ALK: variants seen among roughly 807,000 people sequenced by gnomAD.
ALK encodes ALK receptor tyrosine kinase.
In ALK, 74 loss-of-function variants were observed where a neutral mutation model predicts 163.1. That is an observed-to-expected ratio of 0.45 (90% CI 0.38 to 0.55). The LOEUF is 0.55. Ranked by LOEUF, ALK falls within the 20% of genes least tolerant of loss-of-function variation. The pLI is 0.00. For synonymous variants in ALK, 960 were observed against 843.2 expected (o/e 1.14, Z -2.40); for missense variants, 2,063 against 2,105.3 (o/e 0.98, Z 0.39).
At chr2:29,789,639 CCATGGGCAGA>C (rs1337927797) in intron 1 of ALK, among the ~76,000 whole-genome samples, 1 of 152,144 alleles carries the variant, frequency 6.6e-6, no homozygotes, top group Non-Finnish European at 1.5e-5. Flanking sequence ...CAAAGTGAAG[CCATGGGCAGA>C]CCCCTAGACT....
intron 3 of ALK, among the ~76,000 whole-genome samples, chr2:29,602,384 A>G (rs1305704777): frequency 6.6e-6 from 1 of 152,176 alleles, no homozygotes; most frequent in Non-Finnish European, 1.5e-5. Context: ...TTTTTATGAA[A>G]TCCTATTTTG....
intron 1 of ALK, among the ~76,000 whole-genome samples, chr2:29,768,743 G>GTGTGTGTGTGTATA (rs373708982): frequency 5.4e-4 from 82 of 150,682 alleles, no homozygotes; most frequent in African/African-American, 1.8e-3. Flanking sequence ...GTGTGTGTGT[G>GTGTGTGTGTGTATA]TATATATGTA....
At chr2:29,208,822 G>A (rs1337138551) in intron 25 of ALK, among the ~76,000 whole-genome samples, 1 of 152,006 alleles carries the variant, frequency 6.6e-6, no homozygotes, top group Non-Finnish European at 1.5e-5. Flanking sequence ...GCAAGTCAGT[G>A]TTGTAAATAA....
chr2:29,692,780 G>C (rs887001911), intron 3 of ALK, among the ~76,000 whole-genome samples: 1 of 152,188 alleles, frequency 6.6e-6, no homozygotes, highest in South Asian at 2.1e-4. Flanking sequence ...TGTGCACCAA[G>C]AGAGATGTAC....
At chr2:29,375,882 T>C (rs558950554) in intron 5 of ALK, among the ~76,000 whole-genome samples, 1 of 152,282 alleles carries the variant, frequency 6.6e-6, no homozygotes, top group South Asian at 2.1e-4. Context: ...CACTGCCATC[T>C]TGGACAAGCA....
chr2:29,402,961 C>T (rs558586076), intron 4 of ALK, among the ~76,000 whole-genome samples: 2 of 152,240 alleles, frequency 1.3e-5, no homozygotes, highest in South Asian at 4.2e-4. Context: ...TAGGTTGTGG[C>T]TCAAAGCAGC....
At chr2:29,284,450 A>T (rs1325256785) in intron 9 of ALK, among the ~76,000 whole-genome samples, 1 of 152,234 alleles carries the variant, frequency 6.6e-6, no homozygotes, top group African/African-American at 2.4e-5. Flanking sequence ...TTTCCGAGAC[A>T]TTAAGAATTA....
intron 1 of ALK, among the ~76,000 whole-genome samples, chr2:29,776,919 G>A (rs1471770085): frequency 1.3e-5 from 2 of 152,218 alleles, no homozygotes; most frequent in Non-Finnish European, 2.9e-5. Context: ...CCTTGCCCAG[G>A]TGAACCAGGA....
chr2:29,775,640 G>C (rs1429465464), intron 1 of ALK, among the ~76,000 whole-genome samples: 3 of 152,042 alleles, frequency 2.0e-5, no homozygotes, highest in Admixed American at 2.0e-4. Context: ...GACTCTTCTA[G>C]ACAGACTTCT....
chr2:29,453,076 T>A (rs150530896), intron 4 of ALK, among the ~76,000 whole-genome samples: 88 of 152,340 alleles, frequency 5.8e-4, no homozygotes, highest in African/African-American at 2.1e-3. Context: ...ATAAGATCTG[T>A]AGGATAGCTA....
At chr2:29,676,172 G>A (rs1677867028) in intron 3 of ALK, among the ~76,000 whole-genome samples, 1 of 151,916 alleles carries the variant, frequency 6.6e-6, no homozygotes, top group Non-Finnish European at 1.5e-5. Context: ...TCCTAATGGT[G>A]TCTTTTAGAA....
At chr2:29,809,568 G>T (rs550804105) in intron 1 of ALK, among the ~76,000 whole-genome samples, 1 of 152,188 alleles carries the variant, frequency 6.6e-6, no homozygotes, top group South Asian at 2.1e-4. Context: ...AGGATAGGAG[G>T]GGGGCTGCCT....
At chr2:29,522,532 C>A (rs1672842230) in intron 4 of ALK, among the ~76,000 whole-genome samples, 1 of 152,072 alleles carries the variant, frequency 6.6e-6, no homozygotes, top group Non-Finnish European at 1.5e-5. Context: ...TATGAGTCAA[C>A]AGGGAGAGGA....
chr2:29,522,139 A>G (rs1190318810), intron 4 of ALK, among the ~76,000 whole-genome samples: 1 of 152,232 alleles, frequency 6.6e-6, no homozygotes, highest in Non-Finnish European at 1.5e-5. Context: ...TACCATCCAT[A>G]GAGTGGTGAT....
At chr2:29,847,008 T>C (rs957003294) in intron 1 of ALK, among the ~76,000 whole-genome samples, 3 of 152,074 alleles carry the variant, frequency 2.0e-5, no homozygotes, top group African/African-American at 7.2e-5. Flanking sequence ...AAGTAAAAAA[T>C]GGCCCTGCCA....
intron 1 of ALK, among the ~76,000 whole-genome samples, chr2:29,822,990 G>T (rs1413812574): frequency 6.6e-6 from 1 of 152,188 alleles, no homozygotes; most frequent in East Asian, 1.9e-4. Flanking sequence ...GTTTGACTGT[G>T]TCCCCACCCA....
intron 3 of ALK, among the ~76,000 whole-genome samples, chr2:29,548,372 T>A (rs1040254480): frequency 2.0e-5 from 3 of 151,290 alleles, no homozygotes; most frequent in African/African-American, 7.3e-5. Flanking sequence ...ACTCCGGAGG[T>A]TGAGGCAGGA....
intron 5 of ALK, among the ~76,000 whole-genome samples, chr2:29,372,171 A>G (rs1203534102): frequency 1.3e-5 from 2 of 152,190 alleles, no homozygotes; most frequent in Non-Finnish European, 2.9e-5. Flanking sequence ...GCAAACATCT[A>G]AGTGTGAGTG....
intron 4 of ALK, among the ~76,000 whole-genome samples, chr2:29,385,054 A>AG (rs1413058134): frequency 7.2e-5 from 11 of 151,966 alleles, no homozygotes; most frequent in African/African-American, 2.2e-4. Flanking sequence ...CAAAAAAAAA[A>AG]GTGTATGATT....
Sources: allele counts gnomAD v4.1 joint callset (sites outside exome capture counted in the v4.1 genomes callset), GRCh38; gene constraint gnomAD v4.1.1; transcripts MANE v1.5; gene names NCBI Gene and HGNC (gene_info 2026-07-23, HGNC 2026-07-21).